ZFPM2: variants seen among roughly 807,000 people sequenced by gnomAD.
ZFPM2 encodes the protein zinc finger protein ZFPM2.
A neutral mutation model predicts 98.6 loss-of-function variants in ZFPM2; 20 were observed. The observed-to-expected ratio is 0.20, with a 90% CI of 0.14 to 0.29. The LOEUF (loss-of-function observed/expected upper bound fraction) is 0.29. Ranked by LOEUF, ZFPM2 falls within the 10% of genes least tolerant of loss-of-function variation. The pLI is 1.00. For synonymous variants in ZFPM2, 518 were observed against 502.7 expected, an observed-to-expected ratio of 1.03 and a Z score of -0.41; for missense variants, 1,310 against 1,388.6, an observed-to-expected ratio of 0.94 and a Z score of 0.90.
At chr8:105,680,865 C>T (rs960095050) in intron 5 of ZFPM2, among the ~76,000 whole-genome samples, 2 of 151,848 alleles carry the variant, frequency 1.3e-5, no homozygotes, top group Non-Finnish European at 2.9e-5. Flanking sequence ...TCCATTTATT[C>T]GTTGAAGTTG....
intron 1 of ZFPM2, among the ~76,000 whole-genome samples, chr8:105,410,179 C>T (rs967959820): frequency 4.0e-5 from 6 of 151,666 alleles, no homozygotes; most frequent in Non-Finnish European, 8.8e-5. Context: ...TGACTAAAAC[C>T]CGATGCTAAA....
chr8:105,360,634 C>A (rs1812839369), intron 1 of ZFPM2, among the ~76,000 whole-genome samples: 1 of 135,128 alleles, frequency 7.4e-6, no homozygotes, highest in Admixed American at 7.6e-5. Flanking sequence ...TCCCCCGACC[C>A]CACAACAGTC....
chr8:105,800,944 C>A, intron 7 of ZFPM2, 103 bp from the exon 8 acceptor site: 1 of 1,094,324 alleles, frequency 9.1e-7, no homozygotes, highest in Non-Finnish European at 1.3e-6. Context: ...TGAAAGATTT[C>A]ATTCCTATTG....
At chr8:105,508,358 G>A (rs578254554) in intron 3 of ZFPM2, among the ~76,000 whole-genome samples, 3 of 151,936 alleles carry the variant, frequency 2.0e-5, no homozygotes, top group Non-Finnish European at 2.9e-5. Context: ...GCTGGTAGCC[G>A]ACCCCTACCC....
chr8:105,326,000 G>A (rs1176227123), intron 1 of ZFPM2, among the ~76,000 whole-genome samples: 1 of 151,588 alleles, frequency 6.6e-6, no homozygotes, highest in Non-Finnish European at 1.5e-5. Flanking sequence ...TATTTAGAAA[G>A]TATCTTTGAG....
At chr8:105,626,963 G>A (rs934142550) in intron 4 of ZFPM2, among the ~76,000 whole-genome samples, 1 of 152,054 alleles carries the variant, frequency 6.6e-6, no homozygotes, top group Non-Finnish European at 1.5e-5. Context: ...GTAAAAATAA[G>A]CTCATCTCAT....
intron 3 of ZFPM2, among the ~76,000 whole-genome samples, chr8:105,506,446 T>C (rs1434833773): frequency 6.6e-6 from 1 of 152,196 alleles, no homozygotes; most frequent in Non-Finnish European, 1.5e-5. Context: ...AAATGAAATA[T>C]AATATTTTAA....
intron 5 of ZFPM2, among the ~76,000 whole-genome samples, chr8:105,745,392 CAT>C (rs1292580556): frequency 6.6e-6 from 1 of 152,068 alleles, no homozygotes; most frequent in Non-Finnish European, 1.5e-5. Context: ...AAGAAATAAA[CAT>C]GTTGTAACTG....
At chr8:105,685,449 CTA>C (rs1810710003) in intron 5 of ZFPM2, among the ~76,000 whole-genome samples, 1 of 151,972 alleles carries the variant, frequency 6.6e-6, no homozygotes, top group African/African-American at 2.4e-5. Flanking sequence ...TATTGAAGAT[CTA>C]TAGTCTGCTT....
Position 105,508,421 on chromosome 8 carries a change from A to AT in ZFPM2, c.302-52932dup, listed in dbSNP as rs553566434. On this transcript the variant is annotated intron_variant, in intron 3 of 7. Transcript: ENST00000407775. ...ACCAGTTCATAAATCAGTCTGTGGGATTTTTTTTTTAGGGGCATGGGCTGG... is the reference window on the plus strand; with the variant it reads ...ACCAGTTCATAAATCAGTCTGTGGGATTTTTTTTTTTAGGGGCATGGGCTGG... 3.4e-3 allele frequency among the ~76,000 whole-genome samples: 499 copies of AT among 148,800 alleles called. 2 individuals are homozygous for AT. The highest frequency in any genetic ancestry group is 8.7e-3 in the South Asian group (41 of 4,696).
chr8:105,349,577 C>T (rs1255886062), intron 1 of ZFPM2, among the ~76,000 whole-genome samples: 4 of 152,226 alleles, frequency 2.6e-5, no homozygotes, highest in African/African-American at 7.2e-5. Flanking sequence ...TTTAGGTCAA[C>T]GTAATGAAAC....
intron 3 of ZFPM2, among the ~76,000 whole-genome samples, chr8:105,509,772 G>A (rs1813778014): frequency 6.6e-6 from 1 of 152,044 alleles, no homozygotes; most frequent in South Asian, 2.1e-4. Flanking sequence ...AAGTGAAGTA[G>A]TAGTTATGAT....
intron 5 of ZFPM2, among the ~76,000 whole-genome samples, chr8:105,769,882 G>GA (rs757709870): frequency 6.6e-6 from 1 of 151,662 alleles, no homozygotes; most frequent in Non-Finnish European, 1.5e-5. Flanking sequence ...TGTACGAAGG[G>GA]AAAAAAATAC....
At chr8:105,673,554 A>G (rs1817636772) in intron 5 of ZFPM2, among the ~76,000 whole-genome samples, 1 of 152,086 alleles carries the variant, frequency 6.6e-6, no homozygotes, top group Non-Finnish European at 1.5e-5. Flanking sequence ...AAGGAAGGAA[A>G]ATTACATTTC....
chr8:105,721,093 T>C (rs375798663), intron 5 of ZFPM2, among the ~76,000 whole-genome samples: 2 of 151,876 alleles, frequency 1.3e-5, no homozygotes, highest in East Asian at 3.9e-4. Context: ...TCTGTAGACA[T>C]AGGGGACTGG....
intron 5 of ZFPM2, among the ~76,000 whole-genome samples, chr8:105,646,326 G>A (rs181170699): frequency 1.3e-5 from 2 of 152,122 alleles, no homozygotes; most frequent in Non-Finnish European, 2.9e-5. Context: ...AACTGCAAAA[G>A]GGAGGGGTAG....
chr8:105,762,794 T>C (rs1812761729), intron 5 of ZFPM2, among the ~76,000 whole-genome samples: 1 of 151,924 alleles, frequency 6.6e-6, no homozygotes, highest in East Asian at 1.9e-4. Context: ...AAATCCAGAC[T>C]CAATGGCACA....
At chr8:105,541,353 A>G (rs1814571466) in intron 3 of ZFPM2, among the ~76,000 whole-genome samples, 1 of 152,160 alleles carries the variant, frequency 6.6e-6, no homozygotes, top group African/African-American at 2.4e-5. Context: ...GTTAAATAGC[A>G]AAGCTGGAAT....
At chr8:105,343,143 T>C (rs2129672747) in intron 1 of ZFPM2, among the ~76,000 whole-genome samples, 1 of 152,228 alleles carries the variant, frequency 6.6e-6, no homozygotes, top group South Asian at 2.1e-4. Context: ...ACAATATAGA[T>C]TTTGGTTTAA....
Sources: allele counts gnomAD v4.1 joint callset (sites outside exome capture counted in the v4.1 genomes callset), GRCh38; gene constraint gnomAD v4.1.1; transcripts MANE v1.5; gene names NCBI Gene and HGNC (gene_info 2026-07-23, HGNC 2026-07-21).